Variants in RPS6KA3 observed in about 807,000 individuals in gnomAD.
The protein encoded by RPS6KA3 is ribosomal protein S6 kinase alpha-3.
A neutral mutation model predicts 67.2 loss-of-function variants in RPS6KA3; 4 were observed. That is an observed-to-expected ratio of 0.06 (90% CI 0.03 to 0.14). RPS6KA3 has a LOEUF of 0.14. Ranked by LOEUF, RPS6KA3 falls within the 10% of genes least tolerant of loss-of-function variation. RPS6KA3 has a pLI of 1.00. For missense variants in RPS6KA3, 204 were observed against 559.0 expected (o/e 0.36, Z 6.40); for synonymous variants, 182 against 183.7 (o/e 0.99, Z 0.07).
Position 20,165,030 on chromosome X carries a change from T to C in RPS6KA3, c.1633A>G (p.Ile545Val), listed in dbSNP as rs1555927575. ...VVHRDLKPSN[I>V]LYVDESGNPE... The stretch of plus-strand genomic sequence containing the variant: ...TTACCAGATTCATCCACATAAAGAA[T>C]GTTGCTAGGTTTCAAGTCTCTATGA... Residue 545 changes from isoleucine to valine, a missense_variant, in exon 18 of 22, where the codon ATT becomes GTT. By Grantham distance (29) the Ile-to-Val change is conservative. Coordinates refer to ENST00000379565, the MANE Select transcript of RPS6KA3 (RefSeq NM_004586.3). The C allele has an allele frequency of 8.3e-7, 1 of 1,201,545 alleles. No individual in the cohort carries two copies. Among genetic ancestry groups the C allele is most frequent in the African/African-American group, 1.7e-5 (1 of 57,584 alleles).
intron 3 of RPS6KA3, among the ~76,000 whole-genome samples, chrX:20,207,962 G>A (rs1218855205): frequency 8.9e-6 from 1 of 111,877 alleles, no homozygotes; most frequent in East Asian, 2.8e-4. Context: ...TCACTGCATC[G>A]TCAAAGTTGA....
At chrX:20,195,263 G>T in intron 4 of RPS6KA3, 118 bp from the exon 5 acceptor site, 1 of 456,048 alleles carries the variant, frequency 2.2e-6, no homozygotes, top group Non-Finnish European at 3.9e-6. Context: ...AAATGTGAAT[G>T]TTTTATCATT....
Position 20,253,378 on chromosome X carries a change from G to A in RPS6KA3, c.69+13186C>T, listed in dbSNP as rs916601495. Among the ~76,000 whole-genome samples the A allele has an allele frequency of 3.6e-5, 4 of 111,134 alleles. No individual in the cohort carries two copies. In the Admixed American group the frequency reaches 3.8e-4, roughly 11 times the overall value. ...CTTTTTCTCAGAGCTCTTTTTGTCTGTGACTGTTGGCAGTTCTAGTTTGGA... is the reference window on the plus strand; with the variant it reads ...CTTTTTCTCAGAGCTCTTTTTGTCTATGACTGTTGGCAGTTCTAGTTTGGA... On this transcript the variant is annotated intron_variant, in intron 1 of 21. Transcript: ENST00000379565.
intron 1 of RPS6KA3, among the ~76,000 whole-genome samples, chrX:20,249,660 T>C (rs2069807447): frequency 8.9e-6 from 1 of 112,375 alleles, no homozygotes; most frequent in South Asian, 3.6e-4. Context: ...TTGTTATTGC[T>C]GAGTTTTGAG....
Position 20,209,407 on chromosome X carries a change from G to A in RPS6KA3, c.127-3C>T, listed in dbSNP as rs757840859. On this transcript the variant is annotated splice_region_variant and splice_polypyrimidine_tract_variant and intron_variant, in intron 2 of 21. Transcript: ENST00000379565. ...ATTTCTTTGATACTGACTTCTTCCT[G>A]TTGAGATAAACGTAAGAGGAGCAAA... 4 of 1,070,698 alleles carry A rather than the reference G, an allele frequency of 3.7e-6. No individual in the cohort carries two copies. Among genetic ancestry groups the A allele is most frequent in the Non-Finnish European group, 3.9e-6 (3 of 767,194 alleles). The allele number at this position is 1,070,698 out of a possible 1,213,427, so 88.2% of individuals were successfully genotyped here.
chrX:20,171,402 G>T (rs867016298), intron 15 of RPS6KA3, among the ~76,000 whole-genome samples: 1 of 111,822 alleles, frequency 8.9e-6, no homozygotes, highest in African/African-American at 3.3e-5. Flanking sequence ...AGGCAAATGG[G>T]TGATTAAGAG....
Position 20,175,305 on chromosome X carries a change from G to A in RPS6KA3, c.1103-17C>T. On this transcript the variant is annotated splice_polypyrimidine_tract_variant and intron_variant, in intron 13 of 21. Transcript: ENST00000379565. ...CAGGTGAATCTGAAAAGAGTAAGAAGTGACAAAGAAGATTCATTTGAAAGG... is the reference window on the plus strand; with the variant it reads ...CAGGTGAATCTGAAAAGAGTAAGAAATGACAAAGAAGATTCATTTGAAAGG... 8.3e-7 allele frequency: 1 copy of A among 1,206,545 alleles called. No individual in the cohort carries two copies. Among genetic ancestry groups the A allele is most frequent in the South Asian group, 1.8e-5 (1 of 56,887 alleles).
intron 14 of RPS6KA3, among the ~76,000 whole-genome samples, chrX:20,174,482 G>A (rs2067650725): frequency 9.3e-6 from 1 of 108,038 alleles, no homozygotes; most frequent in Admixed American, 1.0e-4. Context: ...CTAAGTAGCT[G>A]GGATTACAGG....
At chrX:20,194,569 A>T (rs1444070150) in intron 5 of RPS6KA3, among the ~76,000 whole-genome samples, 2 of 111,538 alleles carry the variant, frequency 1.8e-5, no homozygotes, top group East Asian at 5.5e-4. Flanking sequence ...GAAATAACAT[A>T]CAAAAACCAT....
chrX:20,244,563 C>A (rs111994118), intron 1 of RPS6KA3, among the ~76,000 whole-genome samples: 1 of 111,631 alleles, frequency 9.0e-6, no homozygotes, highest in Non-Finnish European at 1.9e-5. Flanking sequence ...AGTTATTACG[C>A]AGAGAAGAAA....
At chrX:20,259,422 T>A (rs2147078196) in intron 1 of RPS6KA3, among the ~76,000 whole-genome samples, 1 of 112,033 alleles carries the variant, frequency 8.9e-6, no homozygotes, top group South Asian at 3.6e-4. Context: ...AAAGTGTAAA[T>A]TATTTTTAAC....
At chrX:20,204,258 T>C (rs911707769) in intron 3 of RPS6KA3, among the ~76,000 whole-genome samples, 155 bp from the exon 4 acceptor site, 3 of 112,327 alleles carry the variant, frequency 2.7e-5, no homozygotes, top group Non-Finnish European at 5.6e-5. Context: ...TAAATACTAG[T>C]TATAAACATT....
chrX:20,184,939 CTTTGAAAATTCCAT>C (rs1383417617), intron 10 of RPS6KA3, among the ~76,000 whole-genome samples: 1 of 110,948 alleles, frequency 9.0e-6, no homozygotes, highest in Non-Finnish European at 1.9e-5. Context: ...ACACTGTCCT[CTTTGAAAATTCCAT>C]TTTTTTTTTG....
At chrX:20,260,531 G>A (rs2070197291) in intron 1 of RPS6KA3, among the ~76,000 whole-genome samples, 1 of 111,399 alleles carries the variant, frequency 9.0e-6, no homozygotes, top group African/African-American at 3.3e-5. Flanking sequence ...AGAGATTTCT[G>A]TTCCCCTTGC....
In RPS6KA3 at chrX:20,176,326, C is replaced by T. The variant is rs771686066; in HGVS notation, c.1026G>A (p.Pro342=). 1.4e-5 allele frequency: 17 copies of T among 1,189,415 alleles called. No homozygotes were observed. Among genetic ancestry groups the T allele is most frequent in the Admixed American group, 4.4e-5 (2 of 45,268 alleles). Residue 342 remains proline, a synonymous_variant, in exon 13 of 22, where the codon CCG becomes CCA. Coordinates refer to ENST00000379565, the MANE Select transcript of RPS6KA3 (RefSeq NM_004586.3). ...GCCTGCCCGTTGCAGGTTTAAATGGCGGATGAATTTCTCTTCTATACAGTT... is the reference window on the plus strand; with the variant it reads ...GCCTGCCCGTTGCAGGTTTAAATGGTGGATGAATTTCTCTTCTATACAGTT... The part of the protein sequence containing the change: ...WNKLYRREIH[P]PFKPATGRPE...
chrX:20,218,138 C>G (rs1267888119), intron 2 of RPS6KA3, among the ~76,000 whole-genome samples: 2 of 112,167 alleles, frequency 1.8e-5, no homozygotes, highest in South Asian at 3.7e-4. Context: ...CTTTAAAGAG[C>G]TGCTGGATAG....
At chrX:20,186,430 TAAAAA>T in intron 9 of RPS6KA3, 64 bp from the exon 10 acceptor site, 1 of 558,565 alleles carries the variant, frequency 1.8e-6, no homozygotes. Context: ...GGCCAGAAGG[TAAAAA>T]AAAAAAAAAG....
At chrX:20,180,547 T>G (rs142441499) in intron 10 of RPS6KA3, among the ~76,000 whole-genome samples, 178 of 112,002 alleles carry the variant, frequency 1.6e-3, no homozygotes, top group African/African-American at 5.4e-3. Flanking sequence ...CCTGCAAAGA[T>G]GAGTAACTGC....
chrX:20,242,995 A>G (rs1293655566), intron 1 of RPS6KA3, among the ~76,000 whole-genome samples: 1 of 111,653 alleles, frequency 9.0e-6, no homozygotes, highest in Non-Finnish European at 1.9e-5. Context: ...ATATTTTTTA[A>G]AAAGTAAACC....
Sources: allele counts gnomAD v4.1 joint callset (sites outside exome capture counted in the v4.1 genomes callset), GRCh38; gene constraint gnomAD v4.1.1; transcripts MANE v1.5; gene names NCBI Gene and HGNC (gene_info 2026-07-23, HGNC 2026-07-21).